Variants in ZNF143 observed in about 807,000 individuals in gnomAD.
ZNF143 encodes zinc finger protein 143, also known as SPH-binding factor.
A neutral mutation model predicts 74.1 loss-of-function variants in ZNF143; 49 were observed. The ratio of observed to expected loss-of-function variants is 0.66; its 90% CI spans 0.53 to 0.84. The LOEUF is 0.84. ZNF143 is among the 40% of genes least tolerant of loss of function. The pLI is 0.00. For missense variants in ZNF143, 637 were observed against 793.4 expected, an observed-to-expected ratio of 0.80 and a Z score of 2.37; for synonymous variants, 304 against 282.8, an observed-to-expected ratio of 1.07 and a Z score of -0.75.
At position 9,478,458 on chromosome 11, in the gene ZNF143, G is replaced by T. The variant is rs146134817; in HGVS notation, c.442G>T (p.Ala148Ser). 6 of 1,614,186 alleles carry T rather than the reference G, an allele frequency of 3.7e-6. No individual in the cohort carries two copies. In the East Asian group the frequency reaches 6.7e-5, roughly 18 times the overall value. Residue 148 changes from alanine to serine, a missense_variant, in exon 6 of 16, where the codon GCA becomes TCA. Physicochemically the swap from Ala to Ser is moderately conservative, Grantham distance 99 (BLOSUM62 1). Around this residue, in one of 2 missense-constraint regions of ZNF143, gnomAD observed 293 missense variants for 307.8 expected, o/e 0.95. Transcript: ENST00000396602. ...EDGTTAYIHH[A>S]VQVPQSDTIL... ...TGGTACCACAGCTTATATCCACCAT[G>T]CAGTGCAAGTCCCGCAGTCTGACAC...
In ZNF143 at chr11:9,500,558, C is replaced by G. The variant is rs1379118092; in HGVS notation, c.968-533C>G. ...AAGCGATTCTCCCGCCTCAGCCTCT[C>G]GAGTAGCTGGGATTACAGGCGCCCG... On this transcript the variant is annotated intron_variant, in intron 10 of 15. Transcript: ENST00000396602. 3.3e-5 allele frequency among the ~76,000 whole-genome samples: 5 copies of G among 151,878 alleles called. No homozygotes were observed. The South Asian group carries it at 1.0e-3, about 32-fold the overall frequency.
chr11:9,497,906 C>G, intron 10 of ZNF143, 106 bp downstream of exon 10: 2 of 856,590 alleles, frequency 2.3e-6, no homozygotes, highest in South Asian at 3.8e-5. Flanking sequence ...TCTTGGCTCA[C>G]TGCAAGCTCC....
At chr11:9,506,332 CAAAAA>C (rs1408061535) in intron 11 of ZNF143, among the ~76,000 whole-genome samples, 2 of 152,108 alleles carry the variant, frequency 1.3e-5, no homozygotes, top group East Asian at 1.9e-4. Context: ...GACTCCGTCT[CAAAAA>C]GAAAAGAAAA....
intron 7 of ZNF143, among the ~76,000 whole-genome samples, chr11:9,491,486 A>G (rs1373165127): frequency 6.6e-6 from 1 of 151,896 alleles, no homozygotes; most frequent in Non-Finnish European, 1.5e-5. Flanking sequence ...AACACACAAA[A>G]AAATTAGCCC....
chr11:9,475,502 A>G (rs1181416000), intron 5 of ZNF143, among the ~76,000 whole-genome samples: 1 of 152,016 alleles, frequency 6.6e-6, no homozygotes, highest in Non-Finnish European at 1.5e-5. Flanking sequence ...GCTGGTCCTG[A>G]ACTCCTGGCC....
chr11:9,520,287 C>T (rs1300025182), intron 14 of ZNF143, among the ~76,000 whole-genome samples: 10 of 149,078 alleles, frequency 6.7e-5, no homozygotes, highest in Admixed American at 5.4e-4. Context: ...CCACCCGCCT[C>T]GGCTTCCCAA....
At chr11:9,475,685 G>T (rs998195161) in intron 5 of ZNF143, among the ~76,000 whole-genome samples, 3 of 152,228 alleles carry the variant, frequency 2.0e-5, no homozygotes, top group African/African-American at 4.8e-5. Context: ...GAGGTCAGGG[G>T]TTTGAGACCA....
chr11:9,494,760 C>T lies in ZNF143; in HGVS notation c.760C>T (p.Leu254Phe). The change falls in exon 8 of 16, where the codon CTC (leucine) becomes TTC (phenylalanine). Residue 254 changes from leucine (L) to phenylalanine (F), a missense_variant. This residue lies in a region of ZNF143 where 344 missense variants were observed against 485.6 expected (regional missense o/e 0.71). Transcript: ENST00000396602. ...AAAATTATATACAACAGCTCATCAT[C>T]TCAAGGTATATATAAAAGAAATGTT... Reference protein sequence around the residue: ...CGKLYTTAHHLKVHERSHTGD... With the variant: ...CGKLYTTAHHFKVHERSHTGD... 1 of 1,607,178 alleles carries T rather than the reference C, an allele frequency of 6.2e-7. No individual in the cohort carries two copies. Among genetic ancestry groups the T allele is most frequent in the Non-Finnish European group, 8.5e-7 (1 of 1,173,950 alleles).
chr11:9,493,139 G>A (rs1181767985), intron 7 of ZNF143, among the ~76,000 whole-genome samples: 2 of 147,434 alleles, frequency 1.4e-5, no homozygotes, highest in African/African-American at 2.5e-5. Context: ...GCATGATCTC[G>A]GCTCTCTGTA....
chr11:9,476,086 G>A (rs1856872195), intron 5 of ZNF143, among the ~76,000 whole-genome samples: 1 of 152,064 alleles, frequency 6.6e-6, no homozygotes, highest in Admixed American at 6.6e-5. Flanking sequence ...AAGTTCAGGG[G>A]TTTGAGGTGG....
At chr11:9,502,546 C>G (rs965606752) in intron 11 of ZNF143, among the ~76,000 whole-genome samples, 1 of 149,434 alleles carries the variant, frequency 6.7e-6, no homozygotes, top group Non-Finnish European at 1.5e-5. Flanking sequence ...GGAGGCAGAG[C>G]TTGCAGTGAG....
chr11:9,472,636 A>T, intron 2 of ZNF143, 41 bp from the exon 3 acceptor site: 1 of 1,526,084 alleles, frequency 6.6e-7, no homozygotes, highest in Non-Finnish European at 9.0e-7. Context: ...GCATGTCCAT[A>T]TGCTAGCTGT....
chr11:9,474,858 A>G (rs1329744942), intron 5 of ZNF143, among the ~76,000 whole-genome samples: 3 of 152,228 alleles, frequency 2.0e-5, no homozygotes, highest in Non-Finnish European at 4.4e-5. Flanking sequence ...TCCCTGGAAG[A>G]CTTAAAGTAG....
chr11:9,462,996 G>C (rs1357129715), intron 1 of ZNF143, among the ~76,000 whole-genome samples: 3 of 152,116 alleles, frequency 2.0e-5, no homozygotes, highest in Non-Finnish European at 4.4e-5. Context: ...TTTCCTCTCA[G>C]TTGTCCCCTC....
intron 1 of ZNF143, among the ~76,000 whole-genome samples, chr11:9,469,097 G>A (rs1303639350): frequency 6.7e-6 from 1 of 150,208 alleles, no homozygotes; most frequent in Non-Finnish European, 1.5e-5. Flanking sequence ...TCACGCCATT[G>A]CACTCTAGCC....
intron 5 of ZNF143, among the ~76,000 whole-genome samples, chr11:9,475,987 C>T (rs1856864695): frequency 6.7e-6 from 1 of 149,638 alleles, no homozygotes; most frequent in Non-Finnish European, 1.5e-5. Flanking sequence ...CCTTTGCCTA[C>T]TATGTTTAAT....
chr11:9,471,520 A>G (rs1054983029), intron 2 of ZNF143, 100 bp downstream of exon 2: 1 of 836,414 alleles, frequency 1.2e-6, no homozygotes, highest in Non-Finnish European at 1.8e-6. Context: ...AGAAAACAAT[A>G]TAAACCTAGG....
At position 9,463,732 on chromosome 11, in the gene ZNF143, A is replaced by C. The variant is rs1856011669; in HGVS notation, c.-8+2656A>C. ...CCATAGTCCTTTGCTGTGTGTTGGA[A>C]TGTTGCTGTGAAGTAAGGACTGGTT... On this transcript the variant is annotated intron_variant, in intron 1 of 15. Transcript: ENST00000396602. 2.0e-5 allele frequency: 3 copies of C among 151,618 alleles called. No homozygotes were observed. In the South Asian group the frequency reaches 6.4e-4, roughly 32 times the overall value. The allele number at this position is 151,618 out of a possible 1,614,324, so 9.4% of individuals were successfully genotyped here.
chr11:9,486,260 A>G (rs1847467442), intron 7 of ZNF143, among the ~76,000 whole-genome samples: 1 of 136,572 alleles, frequency 7.3e-6, no homozygotes, highest in South Asian at 2.2e-4. Flanking sequence ...TCACCTTGGA[A>G]TTTAATCTTA....
Sources: allele counts gnomAD v4.1 joint callset (sites outside exome capture counted in the v4.1 genomes callset), GRCh38; gene constraint gnomAD v4.1.1; regional missense constraint gnomAD v4.1.1; transcripts MANE v1.5; gene names NCBI Gene and HGNC (gene_info 2026-07-23, HGNC 2026-07-21).